The following CMIP variants were observed in gnomAD, a reference collection of about 807,000 sequenced individuals.
CMIP encodes the protein C-Maf-inducing protein.
In CMIP, 13 loss-of-function variants were observed where a neutral mutation model predicts 97.3. The observed-to-expected ratio is 0.13, with a 90% CI of 0.09 to 0.21. CMIP has a LOEUF of 0.21. Among genes scored for constraint, CMIP ranks in the 10% least tolerant of loss-of-function variants. The probability of loss-of-function intolerance (pLI) is 1.00; values close to 1 mark genes in which losing one functional copy is unlikely to be tolerated. For synonymous variants in CMIP, 538 were observed against 436.3 expected, an observed-to-expected ratio of 1.23 and a Z score of -2.91; for missense variants, 847 against 1,024.9, an observed-to-expected ratio of 0.83 and a Z score of 2.37.
intron 1 of CMIP, chr16:81,495,517 ACT>A (rs1444710675): frequency 1.2e-6 from 2 of 1,611,338 alleles, no homozygotes; most frequent in Admixed American, 1.7e-5. Flanking sequence ...GTGGGGAACG[ACT>A]CTGTCCAGCT....
chr16:81,543,542 C>T (rs928710240), intron 1 of CMIP, among the ~76,000 whole-genome samples: 6 of 152,060 alleles, frequency 3.9e-5, no homozygotes, highest in African/African-American at 7.2e-5. Flanking sequence ...GGGTCAGGGT[C>T]GTGGGGGTAA....
At chr16:81,688,746 T>C (rs757081445) in intron 10 of CMIP, among the ~76,000 whole-genome samples, 7 of 152,190 alleles carry the variant, frequency 4.6e-5, no homozygotes, top group Non-Finnish European at 7.3e-5. Context: ...ACCATGTTGA[T>C]GTGCTGCACC....
chr16:81,547,879 C>G (rs1041204315), intron 1 of CMIP, among the ~76,000 whole-genome samples: 1 of 152,188 alleles, frequency 6.6e-6, no homozygotes, highest in Non-Finnish European at 1.5e-5. Flanking sequence ...GCTGTGGCAA[C>G]AAAGGAATGC....
intron 10 of CMIP, among the ~76,000 whole-genome samples, chr16:81,684,707 G>T (rs1245800534): frequency 5.9e-5 from 9 of 152,230 alleles, no homozygotes; most frequent in African/African-American, 1.9e-4. Context: ...TTCATGGGAG[G>T]GTTAAATGTG....
Position 81,616,151 on chromosome 16 carries a change from G to GTAT in CMIP, c.427-4723_427-4721dup, listed in dbSNP as rs1214764311. On this transcript the variant is annotated intron_variant, in intron 2 of 20. Coordinates refer to ENST00000537098, the MANE Select transcript of CMIP (RefSeq NM_198390.3). This position sits in a 1 kb window ranked among gnomAD's most constrained non-coding sequence, Gnocchi z 4.7. ...TTACATGTCATTAATTCATTCAGCT[G>GTAT]TATTTTTTTTTTTTTTTTTTTAACA... 1.4e-5 allele frequency among the ~76,000 whole-genome samples: 2 copies of GTAT among 144,166 alleles called. No homozygotes were observed. The highest frequency in any genetic ancestry group is 1.4e-4 in the Admixed American group (2 of 14,240). 94.6% of individuals were successfully genotyped at this position (144,166 alleles called of 152,430 possible).
At chr16:81,472,156 C>T (rs1354471474) in intron 1 of CMIP, among the ~76,000 whole-genome samples, 3 of 152,248 alleles carry the variant, frequency 2.0e-5, no homozygotes, top group African/African-American at 7.2e-5. Context: ...CACCCGCCAT[C>T]TTTGAAATCT....
At chr16:81,487,167 C>CGG (rs35757295) in intron 1 of CMIP, among the ~76,000 whole-genome samples, 1 of 144,780 alleles carries the variant, frequency 6.9e-6, no homozygotes, top group African/African-American at 2.6e-5. Flanking sequence ...TCTAGTGAAC[C>CGG]GGGGGGGGTG....
rs116366738 is a variant in CMIP, at chr16:81,521,977, C to T, written c.300+76436C>T. ...ATTGTTTCCTTTTTATCCAGGAAGG[C>T]GAGAAGAAAAGCGTATAAGCAGGAT... On this transcript the variant is annotated intron_variant, in intron 1 of 20. Coordinates refer to ENST00000537098, the MANE Select transcript of CMIP (RefSeq NM_198390.3). Among the ~76,000 whole-genome samples, 1,313 of 152,180 alleles carry T rather than the reference C, an allele frequency of 8.6e-3. 21 individuals carry two copies. Among genetic ancestry groups the T allele is most frequent in the African/African-American group, 0.03 (1,241 of 41,508 alleles).
chr16:81,589,687 G>A (rs763394648), intron 1 of CMIP, among the ~76,000 whole-genome samples: 7 of 152,166 alleles, frequency 4.6e-5, no homozygotes, highest in East Asian at 1.9e-4. Flanking sequence ...TCGATTCAGC[G>A]CAATGTAGTA....
intron 3 of CMIP, among the ~76,000 whole-genome samples, chr16:81,626,439 ACTAT>A (rs2092065086): frequency 8.3e-6 from 1 of 120,476 alleles, no homozygotes; most frequent in African/African-American, 2.9e-5. Flanking sequence ...GTGTGGGATG[ACTAT>A]CTTATGAGTG....
chr16:81,558,244 G>C lies in CMIP; in HGVS notation c.301-49323G>C, dbSNP rs1335015870. Among the ~76,000 whole-genome samples, 4 of 152,044 alleles carry C rather than the reference G, an allele frequency of 2.6e-5. 1 individual carries two copies. In the South Asian group the frequency reaches 8.3e-4, roughly 32 times the overall value. On this transcript the variant is annotated intron_variant, in intron 1 of 20. Transcript: ENST00000537098. The stretch of plus-strand genomic sequence containing the variant: ...TCTCGGCCGTTAGAGATAGTGCTGC[G>C]GTGAATGCAGGCCGTGCTTCTCCAT...
intron 8 of CMIP, among the ~76,000 whole-genome samples, chr16:81,671,108 C>T (rs1355276880): frequency 2.0e-5 from 3 of 152,170 alleles, no homozygotes; most frequent in Non-Finnish European, 2.9e-5. Flanking sequence ...GGATTATAGG[C>T]GTGAACTGCT....
In CMIP at chr16:81,620,886, G is replaced by A. The variant is rs748625140; in HGVS notation, c.437G>A (p.Ser146Asn). 3.1e-6 allele frequency: 5 copies of A among 1,614,000 alleles called. No individual in the cohort carries two copies. Among genetic ancestry groups the A allele is most frequent in the Admixed American group, 3.3e-5 (2 of 60,020 alleles). The change falls in exon 3 of 21, where the codon AGC becomes AAC. Residue 146 changes from serine (S) to asparagine (N), a missense_variant. Coordinates refer to ENST00000537098, the MANE Select transcript of CMIP (RefSeq NM_198390.3). ...GGTVLLQAANSYLRDQWFHSL... is the reference protein window; with the variant it reads ...GGTVLLQAANNYLRDQWFHSL... ...TTCTTGTCGTTACAGGCTGCCAATA[G>A]CTACCTGCGAGACCAGTGGTTCCAT... is the stretch of plus-strand genomic sequence containing the variant.
At position 81,534,520 on chromosome 16, in the gene CMIP, A is replaced by T. The variant is rs79254407; in HGVS notation, c.301-73047A>T. 3.6e-4 allele frequency among the ~76,000 whole-genome samples: 55 copies of T among 152,190 alleles called. No homozygotes were observed. The East Asian group carries it at 0.01, about 29-fold the overall frequency. On this transcript the variant is annotated intron_variant, in intron 1 of 20. Coordinates refer to ENST00000537098, the MANE Select transcript of CMIP (RefSeq NM_198390.3). ...TTGATTTTGTTTGAGGTATTTATTG[A>T]TATATAGAAGTTATATATTTTTCTG...
chr16:81,645,265 C>T (rs2092350960), intron 3 of CMIP: 1 of 760,764 alleles, frequency 1.3e-6, no homozygotes, highest in Non-Finnish European at 1.8e-6. Context: ...TCATATTTCC[C>T]TGTGGGGTCC....
At chr16:81,517,243 T>C (rs988118266) in intron 1 of CMIP, among the ~76,000 whole-genome samples, 75 of 96,936 alleles carry the variant, frequency 7.7e-4, no homozygotes, top group African/African-American at 2.2e-3. Context: ...TCCAAGGTCG[T>C]CAGTGAAAAA....
intron 3 of CMIP, among the ~76,000 whole-genome samples, chr16:81,644,581 C>G (rs1392443438): frequency 1.3e-5 from 2 of 152,226 alleles, no homozygotes; most frequent in African/African-American, 4.8e-5. Flanking sequence ...GGAAGCTATT[C>G]TGGAGGACTC....
intron 1 of CMIP, among the ~76,000 whole-genome samples, chr16:81,489,615 C>A (rs1011671531): frequency 1.3e-5 from 2 of 152,226 alleles, no homozygotes; most frequent in Non-Finnish European, 1.5e-5. Flanking sequence ...ACCCACGAGG[C>A]CACCATTCTC....
chr16:81,626,922 G>C (rs1435209089), intron 3 of CMIP, among the ~76,000 whole-genome samples: 1 of 149,856 alleles, frequency 6.7e-6, no homozygotes, highest in East Asian at 2.0e-4. Flanking sequence ...TTATGTGTGT[G>C]TTTGTGTATG....
Sources: allele counts gnomAD v4.1 joint callset (sites outside exome capture counted in the v4.1 genomes callset), GRCh38; gene constraint gnomAD v4.1.1; non-coding constraint Gnocchi (gnomAD v3.1); transcripts MANE v1.5; gene names NCBI Gene and HGNC (gene_info 2026-07-23, HGNC 2026-07-21).